GPATCH2: variants seen among roughly 807,000 people sequenced by gnomAD.
The protein encoded by GPATCH2 is G patch domain-containing protein 2.
GPATCH2 carries 51 observed loss-of-function variants against 58.0 expected under a neutral mutation model. The observed-to-expected ratio is 0.88, with a 90% CI of 0.70 to 1.11. The LOEUF is 1.11. Among genes scored for constraint, GPATCH2 ranks in the 50% most tolerant of loss-of-function variants. GPATCH2 has a pLI of 0.00. For missense variants in GPATCH2, 625 were observed against 652.2 expected, an observed-to-expected ratio of 0.96 and a Z score of 0.45; for synonymous variants, 222 against 218.5, an observed-to-expected ratio of 1.02 and a Z score of -0.14.
At chr1:217,461,764 C>T (rs931920499) in intron 8 of GPATCH2, among the ~76,000 whole-genome samples, 7 of 152,104 alleles carry the variant, frequency 4.6e-5, no homozygotes, top group Admixed American at 4.6e-4. Flanking sequence ...TATGCATGTA[C>T]TTTTATTCTA....
intron 5 of GPATCH2, among the ~76,000 whole-genome samples, chr1:217,536,958 C>T (rs549986456): frequency 2.0e-5 from 3 of 152,000 alleles, no homozygotes; most frequent in Non-Finnish European, 4.4e-5. Context: ...GGTGACAGAG[C>T]GAGACTCCAT....
rs201006007 is a variant in GPATCH2, at chr1:217,610,976, T to C, written c.931A>G (p.Thr311Ala). ...VVPWWEKEDP[T>A]ELDKNVPDPV... ...TCTGGTACATTTTTGTCTAGCTCAG[T>C]AGGATCTTCCTTTTCCCACCAGGGC... is the stretch of plus-strand genomic sequence containing the variant. The change falls in exon 4 of 10, where the codon ACT becomes GCT. Residue 311 changes from threonine to alanine, a missense_variant. Transcript: ENST00000366935. The C allele has an allele frequency of 1.6e-4, 265 of 1,613,228 alleles. No homozygotes were observed. The highest frequency in any genetic ancestry group is 2.1e-4 in the Non-Finnish European group (250 of 1,179,524).
intron 5 of GPATCH2, among the ~76,000 whole-genome samples, chr1:217,562,928 A>T (rs1345510323): frequency 6.6e-6 from 1 of 152,214 alleles, no homozygotes; most frequent in Non-Finnish European, 1.5e-5. Flanking sequence ...AGTACTATGA[A>T]ATATTGGGCA....
At chr1:217,482,016 G>C (rs1308981870) in intron 8 of GPATCH2, among the ~76,000 whole-genome samples, 1 of 152,122 alleles carries the variant, frequency 6.6e-6, no homozygotes, top group Non-Finnish European at 1.5e-5. Context: ...TATGAGGTAG[G>C]TACTACCATT....
At chr1:217,523,025 A>T (rs964009627) in intron 5 of GPATCH2, among the ~76,000 whole-genome samples, 1 of 151,848 alleles carries the variant, frequency 6.6e-6, no homozygotes, top group Non-Finnish European at 1.5e-5. Context: ...CAAAGCAATT[A>T]AAAAAATTTC....
At chr1:217,521,915 T>C (rs1394448472) in intron 5 of GPATCH2, among the ~76,000 whole-genome samples, 1 of 152,194 alleles carries the variant, frequency 6.6e-6, no homozygotes, top group Non-Finnish European at 1.5e-5. Context: ...ACCTTACAGC[T>C]GCCAGCATTG....
intron 5 of GPATCH2, among the ~76,000 whole-genome samples, chr1:217,537,326 A>C (rs1338215303): frequency 6.6e-6 from 1 of 152,206 alleles, no homozygotes; most frequent in Non-Finnish European, 1.5e-5. Context: ...TAAACTTCGT[A>C]TCTGGGCTAC....
At chr1:217,455,044 C>A (rs1347578915) in intron 8 of GPATCH2, among the ~76,000 whole-genome samples, 2 of 152,184 alleles carry the variant, frequency 1.3e-5, no homozygotes, top group South Asian at 2.1e-4. Context: ...CTGACCAGTT[C>A]TTGGCTCTGG....
Position 217,630,963 on chromosome 1 carries a change from C to T in GPATCH2, c.9G>A (p.Gly3=). ...CTCCGATCGGTTGGCGCCCGGCGGC[C>T]CCGAACATTAACGACACCCGGGAGC... is the stretch of plus-strand genomic sequence containing the variant. MF[G]AAGRQPIGAP... Residue 3 remains glycine, a synonymous_variant, in exon 1 of 10, where the codon GGG becomes GGA. Coordinates refer to ENST00000366935, the MANE Select transcript of GPATCH2 (RefSeq NM_018040.5). 1 of 1,588,664 alleles carries T rather than the reference C, an allele frequency of 6.3e-7. No homozygotes were observed. Among genetic ancestry groups the T allele is most frequent in the South Asian group, 1.1e-5 (1 of 88,936 alleles).
intron 5 of GPATCH2, among the ~76,000 whole-genome samples, chr1:217,539,606 G>A (rs1031029181): frequency 2.6e-5 from 4 of 152,120 alleles, no homozygotes; most frequent in Non-Finnish European, 4.4e-5. Context: ...TCAAACACTT[G>A]AATTTAAATT....
intron 9 of GPATCH2, among the ~76,000 whole-genome samples, chr1:217,433,378 ATATATATTTATTTATT>A (rs140936459): frequency 0.21 from 17,415 of 81,542 alleles, 1,310 homozygotes; most frequent in African/African-American, 0.34. Context: ...ATATATATAT[ATATATATTTATTTATT>A]TATTTATTTA....
At chr1:217,522,472 G>A (rs1051454525) in intron 5 of GPATCH2, among the ~76,000 whole-genome samples, 1 of 152,142 alleles carries the variant, frequency 6.6e-6, no homozygotes, top group African/African-American at 2.4e-5. Flanking sequence ...CAAGCTGTGA[G>A]TGGCCTCTAC....
In GPATCH2 at chr1:217,581,015, CAAAAAAAAAAA is replaced by C. The variant is rs761336891; in HGVS notation, c.1098+29295_1098+29305del. ...TGGGCGACAGAGCGAGACTCCGTCT[CAAAAAAAAAAA>C]AAAAAAAAAAGAAAGGCAGAATCTC... is the stretch of plus-strand genomic sequence containing the variant. On this transcript the variant is annotated intron_variant, in intron 5 of 9. Coordinates refer to ENST00000366935, the MANE Select transcript of GPATCH2 (RefSeq NM_018040.5). Among the ~76,000 whole-genome samples the C allele has an allele frequency of 1.5e-4, 4 of 26,274 alleles. 1 individual carries two copies. The highest frequency in any genetic ancestry group is 3.8e-4 in the African/African-American group (3 of 7,848). The allele number at this position is 26,274 out of a possible 152,430, so 17.2% of individuals were successfully genotyped here.
chr1:217,546,566 T>A (rs1242228751), intron 5 of GPATCH2, among the ~76,000 whole-genome samples: 1 of 152,192 alleles, frequency 6.6e-6, no homozygotes, highest in African/African-American at 2.4e-5. Context: ...ATGTGGAAGA[T>A]AAAACTGGAC....
intron 8 of GPATCH2, among the ~76,000 whole-genome samples, chr1:217,460,442 T>G (rs1571740117): frequency 1.3e-5 from 2 of 152,224 alleles, no homozygotes; most frequent in East Asian, 3.9e-4. Flanking sequence ...GGTTCAAGTC[T>G]ATTGATCATG....
chr1:217,624,180 T>C (rs1408141049), intron 1 of GPATCH2, among the ~76,000 whole-genome samples: 1 of 152,082 alleles, frequency 6.6e-6, no homozygotes, highest in East Asian at 1.9e-4. Context: ...CCAGTAATAT[T>C]ATAGTCAATT....
In GPATCH2 at chr1:217,601,167, G is replaced by C. The variant is rs527236516; in HGVS notation, c.1098+9154C>G. Among the ~76,000 whole-genome samples, 14 of 152,136 alleles carry C rather than the reference G, an allele frequency of 9.2e-5. No homozygotes were observed. The South Asian group carries it at 2.7e-3, about 29-fold the overall frequency. ...GTAAACTGGTAACCTCTGTAGCGAA[G>C]TTCTTACATATTAAATTTCAGGACA... is the stretch of plus-strand genomic sequence containing the variant. On this transcript the variant is annotated intron_variant, in intron 5 of 9. Coordinates refer to ENST00000366935, the MANE Select transcript of GPATCH2 (RefSeq NM_018040.5).
intron 1 of GPATCH2, among the ~76,000 whole-genome samples, chr1:217,629,786 G>A (rs575513541): frequency 2.0e-5 from 3 of 152,170 alleles, no homozygotes; most frequent in Admixed American, 1.3e-4. Flanking sequence ...TTTCTCACTG[G>A]AAAATGTAAT....
intron 1 of GPATCH2, among the ~76,000 whole-genome samples, chr1:217,625,675 C>T (rs1221333824): frequency 6.6e-6 from 1 of 152,022 alleles, no homozygotes; most frequent in Non-Finnish European, 1.5e-5. Flanking sequence ...ACTAAATAAA[C>T]CCAAGTTCAT....
Sources: allele counts gnomAD v4.1 joint callset (sites outside exome capture counted in the v4.1 genomes callset), GRCh38; gene constraint gnomAD v4.1.1; transcripts MANE v1.5; gene names NCBI Gene and HGNC (gene_info 2026-07-23, HGNC 2026-07-21).